The following TGFB1I1 variants were observed in gnomAD, a reference collection of about 807,000 sequenced individuals.
The protein encoded by TGFB1I1 is transforming growth factor beta-1-induced transcript 1 protein.
Under a neutral mutation model 52.0 loss-of-function variants are expected in TGFB1I1, and 33 were observed. The ratio of observed to expected loss-of-function variants is 0.63; its 90% CI spans 0.48 to 0.85. The LOEUF (loss-of-function observed/expected upper bound fraction) is 0.85. TGFB1I1 is among the 40% of genes least tolerant of loss of function. The pLI, the probability that TGFB1I1 is intolerant of heterozygous loss-of-function variation, is 0.00. For missense variants in TGFB1I1, 577 were observed against 614.9 expected, an observed-to-expected ratio of 0.94 and a Z score of 0.65; for synonymous variants, 236 against 253.3, an observed-to-expected ratio of 0.93 and a Z score of 0.65.
At chr16:31,473,814 G>A in intron 3 of TGFB1I1, 21 bp from the exon 4 acceptor site, 1 of 1,613,042 alleles carries the variant, frequency 6.2e-7, no homozygotes, top group Non-Finnish European at 8.5e-7. Context: ...CCTGAACCCA[G>A]GCTCCCACTC....
intron 7 of TGFB1I1, chr16:31,475,780 TG>T: frequency 2.1e-6 from 1 of 487,600 alleles, no homozygotes; most frequent in Non-Finnish European, 3.6e-6. Context: ...AAATGTATTG[TG>T]GGCTCCAGGC....
At position 31,474,411 on chromosome 16, in the gene TGFB1I1, G is replaced by C; in HGVS notation, c.475G>C (p.Asp159His). The C allele has an allele frequency of 6.2e-7, 1 of 1,614,168 alleles. No homozygotes were observed. The highest frequency in any genetic ancestry group is 8.5e-7 in the Non-Finnish European group (1 of 1,180,030). ...ASATSATLEL[D>H]RLMASLSDFR... ...TGCCACCTCAGCCACTCTGGAGCTG[G>C]ATAGACTGATGGCCTCACTCTCTGA... The change falls in exon 6 of 11, where the codon GAT becomes CAT. Residue 159 changes from aspartate to histidine, a missense_variant. By Grantham distance (81) the Asp-to-His change is moderately conservative. This residue lies in a region of TGFB1I1 where 456 missense variants were observed against 461.6 expected (regional missense o/e 0.99). Transcript: ENST00000394863. This position sits in a 1 kb window ranked among gnomAD's most constrained non-coding sequence, Gnocchi z 4.2.
Position 31,477,717 on chromosome 16 carries a change from G to A in TGFB1I1, c.*141G>A. On this transcript the variant is annotated 3_prime_UTR_variant, in exon 11 of 11. Transcript: ENST00000394863. This position sits in a 1 kb window ranked among gnomAD's most constrained non-coding sequence, Gnocchi z 4.7. ...GCCCCTAAGGTACTATGAGTCCTCA[G>A]GGGTCAAGTTCAGAAACGGCCCAGC... 2.6e-6 allele frequency: 3 copies of A among 1,173,868 alleles called. No homozygotes were observed. Among genetic ancestry groups the A allele is most frequent in the Non-Finnish European group, 3.5e-6 (3 of 863,180 alleles). 72.7% of individuals were successfully genotyped at this position (1,173,868 alleles called of 1,614,324 possible). A position where few individuals can be genotyped will look rare whatever the true frequency, so the allele number is the denominator to read the frequency against.
At chr16:31,472,465 G>A (rs924561433) in intron 1 of TGFB1I1, 17 of 527,908 alleles carry the variant, frequency 3.2e-5, no homozygotes, top group African/African-American at 2.6e-4. Flanking sequence ...GCGCCCGCGG[G>A]CGCCCGGGCG....
Position 31,472,212 on chromosome 16 carries a change from C to T in TGFB1I1, c.13+11C>T. The T allele has an allele frequency of 7.5e-7, 1 of 1,342,166 alleles. No individual in the cohort carries two copies. Among genetic ancestry groups the T allele is most frequent in the Non-Finnish European group, 9.7e-7 (1 of 1,028,816 alleles). The allele number at this position is 1,342,166 out of a possible 1,614,324, so 83.1% of individuals were successfully genotyped here. ...CCATGGAGGACCTGGGTGAGTGGGG[C>T]CGGATCCCCGGGTCCGTGGCCCCTC... On this transcript the variant is annotated intron_variant, in intron 1 of 10. Transcript: ENST00000394863.
rs781126162 is a variant in TGFB1I1 at position 31,474,307 on chromosome 16, T to G, written c.414-43T>G. On this transcript the variant is annotated intron_variant, in intron 5 of 10. Transcript: ENST00000394863. This position sits in a 1 kb window ranked among gnomAD's most constrained non-coding sequence, Gnocchi z 4.2. Reference sequence around the variant, plus strand: ...ATATCTGAGTCACTAGAGGGAGCGTTGCTCTGGGAGGCTCTGAGATGACAC... The same window carrying G: ...ATATCTGAGTCACTAGAGGGAGCGTGGCTCTGGGAGGCTCTGAGATGACAC... 2.1e-5 allele frequency: 34 copies of G among 1,613,726 alleles called. No homozygotes were observed. In the East Asian group the frequency reaches 6.2e-4, roughly 30 times the overall value.
intron 1 of TGFB1I1, chr16:31,472,591 A>G (rs2082397719): frequency 5.2e-6 from 1 of 192,860 alleles, no homozygotes; most frequent in South Asian, 1.9e-4. Flanking sequence ...TGCCTGCACC[A>G]GAGTTTTGGG....
chr16:31,472,260 C>G (rs932415300), intron 1 of TGFB1I1, 59 bp downstream of exon 1: 10 of 1,426,192 alleles, frequency 7.0e-6, no homozygotes, highest in Non-Finnish European at 9.2e-6. Flanking sequence ...AGCTGCCTCC[C>G]CGCCGTCGCT....
intron 1 of TGFB1I1, 141 bp downstream of exon 1, chr16:31,472,342 A>C: frequency 3.2e-6 from 4 of 1,234,272 alleles, no homozygotes; most frequent in African/African-American, 1.6e-5. Context: ...TTCCAACTCC[A>C]CGTCCCCCTT....
chr16:31,477,573 C>T lies in TGFB1I1; in HGVS notation c.1383C>T (p.Gly461=), dbSNP rs1469086313. 6.2e-7 allele frequency: 1 copy of T among 1,600,726 alleles called. No homozygotes were observed. Among genetic ancestry groups the T allele is most frequent in the Non-Finnish European group, 8.5e-7 (1 of 1,174,468 alleles). ...AGCCCTGCTTCCTGAAGCTCTTCGG[C>T]TGACAGCCCGCTCGGCTCGCCCTCT... The part of the protein sequence containing the change: ...YCQPCFLKLF[G] The change falls in exon 11 of 11, where the codon GGC becomes GGT. Residue 461 remains glycine, a synonymous_variant. Coordinates refer to ENST00000394863, the MANE Select transcript of TGFB1I1 (RefSeq NM_001042454.3). This position sits in a 1 kb window ranked among gnomAD's most constrained non-coding sequence, Gnocchi z 4.7.
At position 31,476,238 on chromosome 16, in the gene TGFB1I1, G is replaced by C; in HGVS notation, c.888+53G>C. On this transcript the variant is annotated intron_variant, in intron 8 of 10. Coordinates refer to ENST00000394863, the MANE Select transcript of TGFB1I1 (RefSeq NM_001042454.3). This position sits in a 1 kb window ranked among gnomAD's most constrained non-coding sequence, Gnocchi z 7.6. ...CGCCCTATCTCACCAGGAGAGCTGTGGGACGGGCCTCCACCGCATGGGTCC... is the reference window on the plus strand; with the variant it reads ...CGCCCTATCTCACCAGGAGAGCTGTCGGACGGGCCTCCACCGCATGGGTCC... 6.3e-7 allele frequency: 1 copy of C among 1,582,134 alleles called. No individual in the cohort carries two copies.
In TGFB1I1 at chr16:31,477,820, C is replaced by G. The variant is rs914844522; in HGVS notation, c.*244C>G. 7.4e-6 allele frequency: 4 copies of G among 544,046 alleles called. No individual in the cohort carries two copies. Among genetic ancestry groups the G allele is most frequent in the Non-Finnish European group, 1.3e-5 (4 of 316,732 alleles). 33.7% of individuals were successfully genotyped at this position (544,046 alleles called of 1,614,324 possible). A position where few individuals can be genotyped will look rare whatever the true frequency, so the allele number is the denominator to read the frequency against. On this transcript the variant is annotated 3_prime_UTR_variant, in exon 11 of 11. Coordinates refer to ENST00000394863, the MANE Select transcript of TGFB1I1 (RefSeq NM_001042454.3). The surrounding 1 kb of genome is among the most constrained non-coding windows in gnomAD (Gnocchi z 4.7). ...CGTGCGGGCCTCCACTCTATTCCCA[C>G]CCTTGAGGGAGCCCCCTTACTGGGG...
At chr16:31,472,270 T>C in intron 1 of TGFB1I1, 69 bp downstream of exon 1, 1 of 1,420,664 alleles carries the variant, frequency 7.0e-7, no homozygotes, top group South Asian at 1.5e-5. Flanking sequence ...CCGCCGTCGC[T>C]CTCCCGCATC....
In TGFB1I1 at chr16:31,472,178, C is replaced by T; in HGVS notation, c.-11C>T. ...CCCTGTTCGCCCCGCGCCACCGGCCCGCGCCCCGCCATGGAGGACCTGGGT... is the reference window on the plus strand; with the variant it reads ...CCCTGTTCGCCCCGCGCCACCGGCCTGCGCCCCGCCATGGAGGACCTGGGT... On this transcript the variant is annotated 5_prime_UTR_variant, in exon 1 of 11. Transcript: ENST00000394863. The T allele has an allele frequency of 1.4e-6, 2 of 1,470,030 alleles. No homozygotes were observed. The highest frequency in any genetic ancestry group is 1.8e-6 in the Non-Finnish European group (2 of 1,109,522). The allele number at this position is 1,470,030 out of a possible 1,614,324, so 91.1% of individuals were successfully genotyped here. A position where few individuals can be genotyped will look rare whatever the true frequency, so the allele number is the denominator to read the frequency against.
rs144130252 is a variant in TGFB1I1 at position 31,473,899 on chromosome 16, A to G, written c.247A>G (p.Ser83Gly). The G allele has an allele frequency of 1.7e-5, 28 of 1,613,898 alleles. No homozygotes were observed. The African/African-American group carries it at 3.6e-4, about 21-fold the overall frequency. The change falls in exon 4 of 11, where the codon AGC becomes GGC. Residue 83 changes from serine to glycine, a missense_variant. By Grantham distance (56) the Ser-to-Gly change is moderately conservative. This residue lies in a region of TGFB1I1 where 113 missense variants were observed against 123.9 expected (regional missense o/e 0.91). Transcript: ENST00000394863. ...GGCGGCCCCTCCATTCTCCTCTTCCAGCGGTGTCTTGGGTACCGGGCTCTG... is the reference window on the plus strand; with the variant it reads ...GGCGGCCCCTCCATTCTCCTCTTCCGGCGGTGTCTTGGGTACCGGGCTCTG... ...APAAPPFSSS[S>G]GVLGTGLCEL... is the part of the protein sequence containing the mutation.
chr16:31,475,826 C>A, intron 7 of TGFB1I1, 186 bp from the exon 8 acceptor site: 1 of 643,058 alleles, frequency 1.6e-6, no homozygotes, highest in Non-Finnish European at 2.6e-6. Context: ...TAGGTCAATC[C>A]TGGAGCGCAG....
chr16:31,474,198 G>C lies in TGFB1I1; in HGVS notation c.372G>C (p.Glu124Asp). 2 of 1,614,156 alleles carry C rather than the reference G, an allele frequency of 1.2e-6. No homozygotes were observed. The highest frequency in any genetic ancestry group is 2.7e-5 in the African/African-American group (2 of 75,050). The change falls in exon 5 of 11, where the codon GAG becomes GAC. Residue 124 changes from glutamate to aspartate, a missense_variant. Around this residue, in one of 3 missense-constraint regions of TGFB1I1, gnomAD observed 456 missense variants for 461.6 expected, o/e 0.99. Transcript: ENST00000394863. The surrounding 1 kb of genome is among the most constrained non-coding windows in gnomAD (Gnocchi z 4.2). ...QFPSSKVASG[E>D]QKEDQSEDKK... ...CATCTAGCAAGGTGGCTTCAGGAGA[G>C]CAGAAGGAGGACCAGTCTGAAGATA...
At position 31,476,928 on chromosome 16, in the gene TGFB1I1, G is replaced by A; in HGVS notation, c.1037G>A (p.Cys346Tyr). The A allele has an allele frequency of 6.2e-7, 1 of 1,605,958 alleles. No individual in the cohort carries two copies. The highest frequency in any genetic ancestry group is 8.5e-7 in the Non-Finnish European group (1 of 1,178,700). The change falls in exon 10 of 11, where the codon TGC becomes TAC. Residue 346 changes from cysteine to tyrosine, a missense_variant. Coordinates refer to ENST00000394863, the MANE Select transcript of TGFB1I1 (RefSeq NM_001042454.3). The surrounding 1 kb of genome is among the most constrained non-coding windows in gnomAD (Gnocchi z 7.6). ...TTCCTGCAGCTGTTCGCCCCGCGCTGCCAGGGCTGCCAGGGCCCCATCCTG... is the reference window on the plus strand; with the variant it reads ...TTCCTGCAGCTGTTCGCCCCGCGCTACCAGGGCTGCCAGGGCCCCATCCTG... ...RDFLQLFAPRCQGCQGPILDN... is the reference protein window; with the variant it reads ...RDFLQLFAPRYQGCQGPILDN...
rs773717521 is a variant in TGFB1I1, at chr16:31,476,884, C to T, written c.993C>T (p.Arg331=). The T allele has an allele frequency of 2.5e-6, 4 of 1,611,218 alleles. No individual in the cohort carries two copies. Among genetic ancestry groups the T allele is most frequent in the African/African-American group, 2.7e-5 (2 of 74,928 alleles). Residue 331 remains arginine (R), a synonymous_variant, in exon 10 of 11, where the codon CGC becomes CGT. Transcript: ENST00000394863. The surrounding 1 kb of genome is among the most constrained non-coding windows in gnomAD (Gnocchi z 7.6). ...TAGGTTTCCACGAGCGCGAGGGCCG[C>T]CCCTACTGCCGCCGGGACTTCCTGC... ...GDEGFHEREG[R]PYCRRDFLQL... is the part of the protein sequence containing the mutation.
Sources: allele counts gnomAD v4.1 joint callset, GRCh38; gene constraint gnomAD v4.1.1; regional missense constraint gnomAD v4.1.1; non-coding constraint Gnocchi (gnomAD v3.1); transcripts MANE v1.5; gene names NCBI Gene and HGNC (gene_info 2026-07-23, HGNC 2026-07-21).